Variants in RNGTT observed in about 807,000 individuals in gnomAD.
RNGTT encodes the protein RNA guanylyltransferase and 5'-phosphatase, also known as mRNA-capping enzyme.
In RNGTT, 33 loss-of-function variants were observed where a neutral mutation model predicts 79.3. The observed-to-expected ratio is 0.42, with a 90% confidence interval of 0.32 to 0.56. The LOEUF is 0.56. Ranked by LOEUF, RNGTT falls within the 20% of genes least tolerant of loss-of-function variation. The probability of loss-of-function intolerance (pLI) is 0.17; values close to 1 mark genes in which losing one functional copy is unlikely to be tolerated. For synonymous variants in RNGTT, 222 were observed against 235.9 expected (o/e 0.94, Z 0.54); for missense variants, 497 against 739.1 (o/e 0.67, Z 3.80).
At chr6:88,849,704 A>G (rs1781607838) in intron 10 of RNGTT, 51 bp downstream of exon 10, 2 of 1,445,572 alleles carry the variant, frequency 1.4e-6, no homozygotes. Flanking sequence ...TGTCAAAAAT[A>G]CATTCATTAT....
At chr6:88,648,354 G>T (rs920588383) in intron 14 of RNGTT, among the ~76,000 whole-genome samples, 14 of 151,964 alleles carry the variant, frequency 9.2e-5, no homozygotes, top group African/African-American at 2.7e-4. Flanking sequence ...ATGGCAGTCT[G>T]CATTGTTGTC....
chr6:88,624,045 G>T (rs944546231), intron 14 of RNGTT, among the ~76,000 whole-genome samples: 1 of 151,836 alleles, frequency 6.6e-6, no homozygotes, highest in Non-Finnish European at 1.5e-5. Flanking sequence ...AATCTGTGCA[G>T]GATCTGCATG....
intron 13 of RNGTT, among the ~76,000 whole-genome samples, chr6:88,703,821 T>C (rs1367131850): frequency 6.6e-6 from 1 of 152,180 alleles, no homozygotes; most frequent in Non-Finnish European, 1.5e-5. Context: ...TTAGCTAATG[T>C]AGATTATTAG....
In RNGTT at chr6:88,610,811, A is replaced by T. The variant is rs1225597025; in HGVS notation, c.*1908T>A. The T allele has an allele frequency of 2.0e-5, 3 of 152,234 alleles. No homozygotes were observed. The East Asian group carries it at 5.8e-4, about 29-fold the overall frequency. 9.4% of individuals were successfully genotyped at this position (152,234 alleles called of 1,614,324 possible). A position where few individuals can be genotyped will look rare whatever the true frequency, so the allele number is the denominator to read the frequency against. On this transcript the variant is annotated 3_prime_UTR_variant, in exon 16 of 16. Transcript: ENST00000369485. The stretch of plus-strand genomic sequence containing the variant: ...ACCATAAACATTTTAACTCCATTAA[A>T]GATCATTGGCAAAAGCTTGCTTTCG...
intron 13 of RNGTT, among the ~76,000 whole-genome samples, chr6:88,684,694 T>G (rs1775211026): frequency 7.6e-6 from 1 of 132,102 alleles, no homozygotes; most frequent in Non-Finnish European, 1.5e-5. Context: ...GTGAAACCAT[T>G]CTGTATACTA....
At chr6:88,808,364 A>AATATAT (rs577900131) in intron 11 of RNGTT, among the ~76,000 whole-genome samples, 184 of 152,344 alleles carry the variant, frequency 1.2e-3, no homozygotes, top group African/African-American at 4.2e-3. Context: ...CAACTGCTAA[A>AATATAT]ATATACACAA....
At chr6:88,767,678 CAAAAAAAAA>C (rs58712575) in intron 13 of RNGTT, among the ~76,000 whole-genome samples, 6 of 83,484 alleles carry the variant, frequency 7.2e-5, no homozygotes, top group African/African-American at 2.0e-4. Context: ...TCACTTGTGT[CAAAAAAAAA>C]AAAAAAAAAA....
chr6:88,627,289 C>T (rs142863923), intron 14 of RNGTT, among the ~76,000 whole-genome samples: 19 of 152,086 alleles, frequency 1.2e-4, no homozygotes, highest in Non-Finnish European at 2.2e-4. Flanking sequence ...ACAAAGTTCA[C>T]AATGTATTAG....
At chr6:88,690,246 G>T (rs929326903) in intron 13 of RNGTT, among the ~76,000 whole-genome samples, 1 of 152,004 alleles carries the variant, frequency 6.6e-6, no homozygotes, top group Non-Finnish European at 1.5e-5. Flanking sequence ...AACAATAAAT[G>T]TACATAAGTT....
At chr6:88,732,612 G>C (rs373707841) in intron 13 of RNGTT, among the ~76,000 whole-genome samples, 2 of 152,164 alleles carry the variant, frequency 1.3e-5, no homozygotes, top group African/African-American at 2.4e-5. Context: ...GCCTGAGTGT[G>C]CATTGACAAA....
chr6:88,646,034 A>G (rs1360607961), intron 14 of RNGTT, among the ~76,000 whole-genome samples: 4 of 152,258 alleles, frequency 2.6e-5, no homozygotes, highest in Non-Finnish European at 4.4e-5. Flanking sequence ...GCTTCTGCAC[A>G]GCAAAAGAAA....
chr6:88,784,506 A>T (rs982055017), intron 12 of RNGTT, among the ~76,000 whole-genome samples: 2 of 152,150 alleles, frequency 1.3e-5, no homozygotes, highest in East Asian at 1.9e-4. Flanking sequence ...TAGAAAAGAA[A>T]ATAGTTTCAG....
At chr6:88,743,902 C>T (rs1005532351) in intron 13 of RNGTT, among the ~76,000 whole-genome samples, 2 of 152,142 alleles carry the variant, frequency 1.3e-5, no homozygotes, top group African/African-American at 2.4e-5. Flanking sequence ...CAATAGTTTA[C>T]TTATTTTTAA....
chr6:88,735,652 A>G (rs749751999), intron 13 of RNGTT, among the ~76,000 whole-genome samples: 1 of 151,922 alleles, frequency 6.6e-6, no homozygotes, highest in Non-Finnish European at 1.5e-5. Context: ...AAATGAAAAT[A>G]CAAACTTGCC....
At chr6:88,746,058 T>C (rs1050155578) in intron 13 of RNGTT, among the ~76,000 whole-genome samples, 1 of 152,180 alleles carries the variant, frequency 6.6e-6, no homozygotes, top group African/African-American at 2.4e-5. Context: ...TGGATGTTTT[T>C]CTATGATGCA....
chr6:88,762,361 A>G (rs1778297370), intron 13 of RNGTT, among the ~76,000 whole-genome samples: 1 of 152,222 alleles, frequency 6.6e-6, no homozygotes, highest in Admixed American at 6.5e-5. Context: ...GCAGTAACAT[A>G]TCTCCAAGGG....
chr6:88,680,190 G>C (rs1490168724), intron 13 of RNGTT, among the ~76,000 whole-genome samples: 3 of 152,098 alleles, frequency 2.0e-5, no homozygotes, highest in Admixed American at 2.0e-4. Context: ...TTTAAATTCT[G>C]TTAGTGATTT....
intron 8 of RNGTT, among the ~76,000 whole-genome samples, chr6:88,860,506 C>T (rs1459401221): frequency 6.6e-6 from 1 of 152,194 alleles, no homozygotes; most frequent in Non-Finnish European, 1.5e-5. Flanking sequence ...TTTATAGCAA[C>T]AGCAAAGACA....
chr6:88,801,376 T>C (rs1014448729), intron 12 of RNGTT, among the ~76,000 whole-genome samples, 188 bp downstream of exon 12: 4 of 152,232 alleles, frequency 2.6e-5, no homozygotes, highest in African/African-American at 9.6e-5. Context: ...GTATTACATG[T>C]ATTTAGATAT....
Sources: allele counts gnomAD v4.1 joint callset (sites outside exome capture counted in the v4.1 genomes callset), GRCh38; gene constraint gnomAD v4.1.1; transcripts MANE v1.5; gene names NCBI Gene and HGNC (gene_info 2026-07-23, HGNC 2026-07-21).